The following JAM3 variants were observed in gnomAD, a reference collection of about 807,000 sequenced individuals.
The protein encoded by JAM3 is junctional adhesion molecule C.
Under a neutral mutation model 39.4 loss-of-function variants are expected in JAM3, and 31 were observed. The observed-to-expected ratio is 0.79, with a 90% CI of 0.59 to 1.06. The LOEUF is 1.06. Among genes scored for constraint, JAM3 ranks in the 50% least tolerant of loss-of-function variants. The pLI is 0.00. For synonymous variants in JAM3, 182 were observed against 148.7 expected (o/e 1.22, Z -1.63); for missense variants, 455 against 391.4 (o/e 1.16, Z -1.37).
chr11:134,150,090 T>G lies in JAM3; in HGVS notation c.*909T>G, dbSNP rs534695621. 2 of 155,408 alleles carry G rather than the reference T, an allele frequency of 1.3e-5. No homozygotes were observed. Among genetic ancestry groups the G allele is most frequent in the South Asian group, 3.9e-4 (2 of 5,068 alleles). 9.6% of individuals were successfully genotyped at this position (155,408 alleles called of 1,614,324 possible). ...GTGTTAAATTGGAAAATATCAATAA[T>G]TAAGAGTATTTTACCCAAGGAATCC... On this transcript the variant is annotated 3_prime_UTR_variant, in exon 9 of 9. Coordinates refer to ENST00000299106, the MANE Select transcript of JAM3 (RefSeq NM_032801.5).
intron 1 of JAM3, among the ~76,000 whole-genome samples, chr11:134,128,120 T>G (rs1220877257): frequency 6.6e-6 from 1 of 152,228 alleles, no homozygotes; most frequent in East Asian, 1.9e-4. Context: ...CTTGGGCTTT[T>G]TAGCCTTGGC....
intron 1 of JAM3, among the ~76,000 whole-genome samples, chr11:134,094,786 TTGTG>T (rs1228510426): frequency 2.6e-5 from 4 of 152,204 alleles, no homozygotes; most frequent in Non-Finnish European, 5.9e-5. Context: ...AGAATGTTGT[TTGTG>T]TGTGTTGTTT....
intron 1 of JAM3, among the ~76,000 whole-genome samples, chr11:134,118,353 C>T (rs1942475438): frequency 6.6e-6 from 1 of 152,222 alleles, no homozygotes; most frequent in East Asian, 1.9e-4. Context: ...GGTGACCCTC[C>T]CTCCACCCAT....
At chr11:134,124,526 C>G (rs1409956625) in intron 1 of JAM3, among the ~76,000 whole-genome samples, 1 of 152,172 alleles carries the variant, frequency 6.6e-6, no homozygotes, top group Non-Finnish European at 1.5e-5. Flanking sequence ...TTAGAATCCA[C>G]TTGAATCCAA....
intron 1 of JAM3, among the ~76,000 whole-genome samples, chr11:134,096,689 CT>C (rs1172261330): frequency 6.6e-6 from 1 of 152,120 alleles, no homozygotes; most frequent in East Asian, 1.9e-4. Context: ...GAATGGTTTT[CT>C]TTTGACGTTT....
intron 1 of JAM3, among the ~76,000 whole-genome samples, chr11:134,119,239 G>C (rs756175442): frequency 6.6e-6 from 1 of 152,036 alleles, no homozygotes; most frequent in South Asian, 2.1e-4. Flanking sequence ...AGTCTTTGGT[G>C]GTTTGGGTTT....
chr11:134,105,490 A>G (rs922996341), intron 1 of JAM3, among the ~76,000 whole-genome samples: 7 of 152,184 alleles, frequency 4.6e-5, no homozygotes, highest in African/African-American at 1.7e-4. Context: ...TAGTGTTGGA[A>G]GTTCTGGCCA....
chr11:134,099,172 G>T (rs1188818304), intron 1 of JAM3, among the ~76,000 whole-genome samples: 1 of 152,132 alleles, frequency 6.6e-6, no homozygotes, highest in African/African-American at 2.4e-5. Flanking sequence ...CTGTACTCCA[G>T]CCTCAGTGAC....
intron 1 of JAM3, among the ~76,000 whole-genome samples, chr11:134,113,396 A>G (rs186365592): frequency 6.6e-6 from 1 of 151,952 alleles, no homozygotes; most frequent in South Asian, 2.1e-4. Context: ...CCTGTGTCCA[A>G]GTGTTCTCAT....
intron 1 of JAM3, among the ~76,000 whole-genome samples, chr11:134,104,094 C>G (rs902639664): frequency 6.6e-6 from 1 of 152,280 alleles, no homozygotes; most frequent in South Asian, 2.1e-4. Context: ...CCAAAATTGA[C>G]CACATACTTG....
At chr11:134,138,490 G>A (rs147683573) in intron 1 of JAM3, among the ~76,000 whole-genome samples, 126 of 150,394 alleles carry the variant, frequency 8.4e-4, no homozygotes, top group Middle Eastern at 3.4e-3. Flanking sequence ...TGGTGCTCAT[G>A]CTGAGAGAAA....
chr11:134,091,021 G>T (rs1219238804), intron 1 of JAM3, among the ~76,000 whole-genome samples: 1 of 152,116 alleles, frequency 6.6e-6, no homozygotes, highest in Non-Finnish European at 1.5e-5. Flanking sequence ...TGTATTGGCT[G>T]GCTAAGATTC....
chr11:134,142,041 A>G lies in JAM3; in HGVS notation c.256+1271A>G, dbSNP rs574658948. On this transcript the variant is annotated intron_variant, in intron 3 of 8. Coordinates refer to ENST00000299106, the MANE Select transcript of JAM3 (RefSeq NM_032801.5). ...GCCTCTTATTTTTGGAGTGATGGAA[A>G]TGTTCTTCTCAGAACACAGATCTGT... Among the ~76,000 whole-genome samples the G allele has an allele frequency of 2.1e-4, 32 of 152,134 alleles. No individual in the cohort carries two copies. In the South Asian group the frequency reaches 2.9e-3, roughly 14 times the overall value.
intron 1 of JAM3, among the ~76,000 whole-genome samples, chr11:134,080,532 G>A (rs990114209): frequency 7.2e-5 from 11 of 152,068 alleles, no homozygotes; most frequent in African/African-American, 1.9e-4. Flanking sequence ...AGATCTGATC[G>A]GTTTAAAAAG....
intron 1 of JAM3, among the ~76,000 whole-genome samples, chr11:134,100,237 A>G (rs1942049962): frequency 6.6e-6 from 1 of 152,110 alleles, no homozygotes; most frequent in South Asian, 2.1e-4. Context: ...TCTGATCCAA[A>G]CAAGTTTCTG....
Position 134,148,694 on chromosome 11 carries a change from GA to G in JAM3, c.842+24del, listed in dbSNP as rs1943125876. On this transcript the variant is annotated intron_variant, in intron 7 of 8. Transcript: ENST00000299106. ...GGAGAAAGGTGAGCCTGCCTTATGT[GA>G]AAAAAGGGAAGTTCAAGCTGGCAAT... 6.2e-7 allele frequency: 1 copy of G among 1,613,900 alleles called. No homozygotes were observed. The highest frequency in any genetic ancestry group is 1.3e-5 in the African/African-American group (1 of 74,880).
chr11:134,091,720 G>A (rs755151914), intron 1 of JAM3, among the ~76,000 whole-genome samples: 1 of 151,988 alleles, frequency 6.6e-6, no homozygotes, highest in South Asian at 2.1e-4. Flanking sequence ...AGAATTTATA[G>A]CCGACTAAGT....
chr11:134,135,378 C>CT (rs1272177311), intron 1 of JAM3, among the ~76,000 whole-genome samples: 1 of 152,154 alleles, frequency 6.6e-6, no homozygotes, highest in Non-Finnish European at 1.5e-5. Flanking sequence ...ATCTGTATGT[C>CT]TGTCTTTATG....
At position 134,144,221 on chromosome 11, in the gene JAM3, GCCT is replaced by G. The variant is rs763314592; in HGVS notation, c.257-18_257-16del. On this transcript the variant is annotated splice_polypyrimidine_tract_variant and intron_variant, in intron 3 of 8. Transcript: ENST00000299106. ...GATTTCTTTAAAGAAGTTTTTTAGT[GCCT>G]CGTGTCTTTTCTGTAGGAGACTTGG... 3.7e-6 allele frequency: 6 copies of G among 1,614,042 alleles called. No homozygotes were observed. The highest frequency in any genetic ancestry group is 1.7e-4 in the Middle Eastern group (1 of 6,058).
Sources: allele counts gnomAD v4.1 joint callset (sites outside exome capture counted in the v4.1 genomes callset), GRCh38; gene constraint gnomAD v4.1.1; transcripts MANE v1.5; gene names NCBI Gene and HGNC (gene_info 2026-07-23, HGNC 2026-07-21).